Variants in CEP85L observed in about 807,000 individuals in gnomAD.
CEP85L encodes the protein centrosomal protein 85L.
Under a neutral mutation model 100.3 loss-of-function variants are expected in CEP85L, and 60 were observed. The ratio of observed to expected loss-of-function variants is 0.60; its 90% CI spans 0.49 to 0.74. The LOEUF is 0.74. Ranked by LOEUF, CEP85L falls within the 30% of genes least tolerant of loss-of-function variation. The pLI is 0.00. For missense variants in CEP85L, 973 were observed against 936.2 expected (o/e 1.04, Z -0.51); for synonymous variants, 319 against 322.7 (o/e 0.99, Z 0.12).
intron 2 of CEP85L, among the ~76,000 whole-genome samples, chr6:118,568,058 T>C (rs1033714569): frequency 3.9e-5 from 6 of 152,178 alleles, no homozygotes; most frequent in African/African-American, 9.7e-5. Flanking sequence ...CAGCACAAGA[T>C]TGCAGTTTTG....
chr6:118,594,751 T>A (rs1232816019), intron 2 of CEP85L, among the ~76,000 whole-genome samples: 1 of 148,284 alleles, frequency 6.7e-6, no homozygotes, highest in Non-Finnish European at 1.5e-5. Context: ...AGCTACTCGG[T>A]AGGCTGAGGC....
At chr6:118,670,783 C>T (rs1397319760) in intron 1 of CEP85L, among the ~76,000 whole-genome samples, 3 of 152,050 alleles carry the variant, frequency 2.0e-5, no homozygotes, top group Non-Finnish European at 4.4e-5. Context: ...ATATTCTATC[C>T]AACAATATGC....
At chr6:118,665,145 C>A (rs1025438567) in intron 1 of CEP85L, among the ~76,000 whole-genome samples, 2 of 151,910 alleles carry the variant, frequency 1.3e-5, no homozygotes, top group Non-Finnish European at 2.9e-5. Flanking sequence ...AGAGGAGGGA[C>A]GGTAGGTAAG....
rs1440757505 is a variant in CEP85L at position 118,651,221 on chromosome 6, C to G, written c.49G>C (p.Gly17Arg). 2.0e-6 allele frequency: 3 copies of G among 1,495,988 alleles called. No homozygotes were observed. Among genetic ancestry groups the G allele is most frequent in the Non-Finnish European group, 2.7e-6 (3 of 1,129,172 alleles). The allele number at this position is 1,495,988 out of a possible 1,614,324, so 92.7% of individuals were successfully genotyped here. ...APEASGRDSP[G>R]GARSFPAGPD... ...CCGGCAGGGAAGCTGCGGGCTCCGCCGGGGCTATCCCGGCCGCTGGCCTCC... is the reference window on the plus strand; with the variant it reads ...CCGGCAGGGAAGCTGCGGGCTCCGCGGGGGCTATCCCGGCCGCTGGCCTCC... The change falls in exon 1 of 13, where the codon GGC becomes CGC. Residue 17 changes from glycine (G) to arginine (R), a missense_variant. Around this residue, in one of 3 missense-constraint regions of CEP85L, gnomAD observed 79 missense variants for 73.3 expected, o/e 1.08. Coordinates refer to ENST00000368491, the MANE Select transcript of CEP85L (RefSeq NM_001042475.3).
intron 1 of CEP85L, among the ~76,000 whole-genome samples, chr6:118,683,229 T>C (rs1450885290): frequency 6.6e-6 from 1 of 152,196 alleles, no homozygotes; most frequent in African/African-American, 2.4e-5. Context: ...TGTAGTGCAT[T>C]GTGTTTTTAC....
intron 3 of CEP85L, among the ~76,000 whole-genome samples, chr6:118,544,642 C>T (rs1778092477): frequency 6.6e-6 from 1 of 152,106 alleles, no homozygotes; most frequent in South Asian, 2.1e-4. Context: ...TTCTCCACCC[C>T]TCATCAAGAT....
intron 2 of CEP85L, among the ~76,000 whole-genome samples, chr6:118,581,295 G>T (rs1052824344): frequency 2.0e-5 from 3 of 152,176 alleles, no homozygotes; most frequent in African/African-American, 7.2e-5. Context: ...AAGTCTGGAA[G>T]TTAACTGAAA....
chr6:118,674,378 G>T (rs774051347), intron 1 of CEP85L, among the ~76,000 whole-genome samples: 2 of 152,086 alleles, frequency 1.3e-5, no homozygotes, highest in Non-Finnish European at 2.9e-5. Flanking sequence ...AAAAAAATTA[G>T]CTGGGCATGG....
chr6:118,535,312 C>G (rs1020315417), intron 3 of CEP85L, among the ~76,000 whole-genome samples: 1 of 152,146 alleles, frequency 6.6e-6, no homozygotes, highest in Non-Finnish European at 1.5e-5. Flanking sequence ...TGATTCTATA[C>G]ATAGGGCTTC....
At chr6:118,575,231 C>T (rs1464208865) in intron 2 of CEP85L, among the ~76,000 whole-genome samples, 1 of 152,188 alleles carries the variant, frequency 6.6e-6, no homozygotes, top group South Asian at 2.1e-4. Context: ...CCTCTGATAG[C>T]TCTCTAGGTC....
chr6:118,628,530 C>G (rs775995382), intron 2 of CEP85L, among the ~76,000 whole-genome samples: 11 of 151,276 alleles, frequency 7.3e-5, no homozygotes, highest in Non-Finnish European at 1.5e-4. Context: ...AAAAATGGAA[C>G]ATAATTATTT....
upstream of CEP85L, among the ~76,000 whole-genome samples, chr6:118,654,636 T>C (rs573685708): frequency 5.3e-5 from 8 of 152,360 alleles, no homozygotes; most frequent in Admixed American, 1.3e-4. Context: ...AAAAACACTC[T>C]TTCTTTTGAA....
chr6:118,643,633 T>C (rs1012506057), intron 1 of CEP85L, among the ~76,000 whole-genome samples: 10 of 152,212 alleles, frequency 6.6e-5, no homozygotes, highest in Non-Finnish European at 1.5e-4. Flanking sequence ...TCAACGACTT[T>C]AATTAATTTA....
rs767921607 is a variant in CEP85L at position 118,481,869 on chromosome 6, A to G, written c.1655T>C (p.Leu552Pro). ...TTGACACTGCTTTTTGATCTCTTCA[A>G]GTTTTTTTTCTGTATCTATCAAAGC... The part of the protein sequence containing the change: ...QEALIDTEKK[L>P]EEIKKQCQDK... Residue 552 changes from leucine to proline, a missense_variant, in exon 8 of 13, where the codon CTT (leucine) becomes CCT (proline). By Grantham distance (98) the Leu-to-Pro change is moderately conservative. This residue lies in a region of CEP85L where 890 missense variants were observed against 844.5 expected (regional missense o/e 1.05). Transcript: ENST00000368491. 2 of 1,591,404 alleles carry G rather than the reference A, an allele frequency of 1.3e-6. No homozygotes were observed. The highest frequency in any genetic ancestry group is 1.1e-5 in the South Asian group (1 of 87,512).
chr6:118,521,940 C>A (rs1776693485), intron 4 of CEP85L, among the ~76,000 whole-genome samples: 1 of 152,066 alleles, frequency 6.6e-6, no homozygotes, highest in Non-Finnish European at 1.5e-5. Flanking sequence ...CAATAATTTT[C>A]TGCATTTTCT....
chr6:118,698,613 G>A (rs1214404050), intron 1 of CEP85L, among the ~76,000 whole-genome samples: 1 of 151,648 alleles, frequency 6.6e-6, no homozygotes, highest in Non-Finnish European at 1.5e-5. Context: ...ACTGTGATAA[G>A]GATACTACAT....
chr6:118,663,358 G>A (rs550433509), intron 1 of CEP85L, among the ~76,000 whole-genome samples: 32 of 152,152 alleles, frequency 2.1e-4, no homozygotes, highest in Non-Finnish European at 4.0e-4. Context: ...TGTTTATAAC[G>A]ATGGAATATG....
At chr6:118,514,524 CAAAA>C (rs561316113) in intron 4 of CEP85L, among the ~76,000 whole-genome samples, 1 of 87,524 alleles carries the variant, frequency 1.1e-5, no homozygotes, top group Admixed American at 1.4e-4. Context: ...GACACTGTCT[CAAAA>C]AAAAAAAAAA....
chr6:118,535,983 T>G (rs1777567679), intron 3 of CEP85L, among the ~76,000 whole-genome samples: 1 of 152,290 alleles, frequency 6.6e-6, no homozygotes, highest in East Asian at 1.9e-4. Flanking sequence ...TAAATTATAC[T>G]TCAATTATCA....
Sources: gnomAD v4.1 joint callset for allele counts (sites outside exome capture counted in the v4.1 genomes callset) on GRCh38, gnomAD v4.1.1 for gene constraint, gnomAD v4.1.1 regional missense constraint, MANE v1.5 for transcripts, NCBI Gene and HGNC (gene_info 2026-07-23, HGNC 2026-07-21) for gene names.